The following VRK2 variants were observed in gnomAD, a reference collection of about 807,000 sequenced individuals.
VRK2 encodes VRK serine/threonine kinase 2, also known as serine/threonine-protein kinase VRK2.
A neutral mutation model predicts 57.6 loss-of-function variants in VRK2; 60 were observed. The ratio of observed to expected loss-of-function variants is 1.04; its 90% CI spans 0.85 to 1.29. The LOEUF is 1.29. Ranked by LOEUF, VRK2 falls within the 50% of genes most tolerant of loss-of-function variation. The pLI is 0.00. For missense variants in VRK2, 705 were observed against 588.1 expected (o/e 1.20, Z -2.06); for synonymous variants, 231 against 199.2 (o/e 1.16, Z -1.35).
At chr2:57,951,236 C>T (rs576993034) in intron 1 of VRK2, among the ~76,000 whole-genome samples, 1 of 152,196 alleles carries the variant, frequency 6.6e-6, no homozygotes, top group South Asian at 2.1e-4. Context: ...GAGGAAGTAA[C>T]GGCAGATGTG....
intron 10 of VRK2, among the ~76,000 whole-genome samples, chr2:58,137,107 A>ATCATATATCATATATATCATATATGAT: frequency 9.7e-6 from 1 of 103,410 alleles, no homozygotes; most frequent in African/African-American, 3.6e-5. Flanking sequence ...TCATATATAT[A>ATCATATATCATATATATCATATATGAT]ACATATATCA....
intron 1 of VRK2, among the ~76,000 whole-genome samples, chr2:57,985,055 T>C (rs1273226705): frequency 6.6e-6 from 1 of 152,008 alleles, no homozygotes; most frequent in East Asian, 1.9e-4. Context: ...TTTCTGATCA[T>C]TTGAGGCATT....
chr2:58,045,256 G>C (rs1216063075), upstream of VRK2, among the ~76,000 whole-genome samples: 1 of 152,126 alleles, frequency 6.6e-6, no homozygotes, highest in Admixed American at 6.5e-5. Flanking sequence ...TGCAGGTAAG[G>C]GTGCTAAGTG....
chr2:57,958,263 T>C (rs918921417), intron 1 of VRK2, among the ~76,000 whole-genome samples: 1 of 152,188 alleles, frequency 6.6e-6, no homozygotes, highest in African/African-American at 2.4e-5. Context: ...ACTTAAAATA[T>C]AATGAAACCT....
intron 10 of VRK2, among the ~76,000 whole-genome samples, chr2:58,137,987 T>C (rs952169682): frequency 2.0e-5 from 3 of 152,182 alleles, no homozygotes; most frequent in Non-Finnish European, 4.4e-5. Flanking sequence ...CCTACCTCAC[T>C]GGTACCTCAT....
intron 7 of VRK2, among the ~76,000 whole-genome samples, chr2:58,112,606 T>A (rs940997910): frequency 3.3e-5 from 5 of 151,094 alleles, no homozygotes; most frequent in Non-Finnish European, 7.4e-5. Flanking sequence ...AAATTTATTA[T>A]GTACATGGAC....
Position 58,046,844 on chromosome 2 carries a change from C to T in VRK2, c.-30C>T, listed in dbSNP as rs1455906868. The T allele has an allele frequency of 5.7e-5, 56 of 985,278 alleles. No homozygotes were observed. The highest frequency in any genetic ancestry group is 6.4e-5 in the Non-Finnish European group (53 of 829,906). The allele number at this position is 985,278 out of a possible 1,614,324, so 61.0% of individuals were successfully genotyped here. On this transcript the variant is annotated 5_prime_UTR_variant, in exon 1 of 13. Transcript: ENST00000340157. ...CAGGTAGGAGGCGGTGCGCGCGGCCCGGCGACGGGGGATCCTGAGGCCCGG... is the reference window on the plus strand; with the variant it reads ...CAGGTAGGAGGCGGTGCGCGCGGCCTGGCGACGGGGGATCCTGAGGCCCGG...
At chr2:58,009,066 C>T (rs1673341081) in intron 1 of VRK2, among the ~76,000 whole-genome samples, 1 of 152,118 alleles carries the variant, frequency 6.6e-6, no homozygotes, top group Non-Finnish European at 1.5e-5. Context: ...CTCTCATGGC[C>T]TAATGACCTC....
chr2:58,061,330 T>C (rs1677304542), intron 2 of VRK2, among the ~76,000 whole-genome samples: 1 of 151,874 alleles, frequency 6.6e-6, no homozygotes, highest in Admixed American at 6.6e-5. Context: ...TAATTTGTGG[T>C]AAAATGAAAT....
In VRK2 at chr2:57,959,056, G is replaced by T. The variant is rs566097000; in HGVS notation, c.-439+51217G>T. 1.6e-4 allele frequency among the ~76,000 whole-genome samples: 25 copies of T among 152,254 alleles called. 1 individual carries two copies. The highest frequency in any genetic ancestry group is 9.8e-4 in the Admixed American group (15 of 15,296). On this transcript the variant is annotated intron_variant, in intron 1 of 15. Coordinates refer to the VRK2 transcript ENST00000417641. ...TACATTCTACCTGCAAAACTAAGAGGCAGGGGTCGTTGCCATTCATCCTAT... is the reference window on the plus strand; with the variant it reads ...TACATTCTACCTGCAAAACTAAGAGTCAGGGGTCGTTGCCATTCATCCTAT...
chr2:58,086,376 A>G lies in VRK2; in HGVS notation c.294A>G (p.Leu98=). ...TAGAACGCAAACAACTTGATTATTT[A>G]GGAATTCCTCTGTTTTATGGATCTG... is the stretch of plus-strand genomic sequence containing the variant. ...KWIERKQLDY[L]GIPLFYGSGL... The change falls in exon 5 of 13, where the codon TTA becomes TTG. Residue 98 remains leucine (L), a synonymous_variant. Coordinates refer to ENST00000340157, the MANE Select transcript of VRK2 (RefSeq NM_006296.7). 6.2e-7 allele frequency: 1 copy of G among 1,605,162 alleles called. No homozygotes were observed. The highest frequency in any genetic ancestry group is 8.5e-7 in the Non-Finnish European group (1 of 1,177,400).
chr2:58,142,313 CAAAAGA>C (rs1033775948), intron 11 of VRK2, among the ~76,000 whole-genome samples: 24 of 148,140 alleles, frequency 1.6e-4, no homozygotes, highest in African/African-American at 5.8e-4. Flanking sequence ...CACCTTTTTG[CAAAAGA>C]AAAAGTTTTT....
intron 2 of VRK2, among the ~76,000 whole-genome samples, chr2:58,054,041 C>G (rs1344090599): frequency 1.3e-5 from 2 of 151,972 alleles, no homozygotes; most frequent in Non-Finnish European, 2.9e-5. Context: ...ATAAAAGTCT[C>G]TATAAGATGT....
At chr2:58,036,442 G>A (rs1674276066) in intron 3 of VRK2, among the ~76,000 whole-genome samples, 1 of 151,988 alleles carries the variant, frequency 6.6e-6, no homozygotes, top group Admixed American at 6.6e-5. Context: ...TAACACAAAT[G>A]AATTTTTCTT....
chr2:58,087,689 C>G (rs565529876), intron 5 of VRK2, among the ~76,000 whole-genome samples: 163 of 152,106 alleles, frequency 1.1e-3, no homozygotes, highest in Middle Eastern at 3.4e-3. Flanking sequence ...AAGAAACAAA[C>G]AAATATAAAA....
chr2:57,967,405 A>C (rs1342731697), intron 1 of VRK2, among the ~76,000 whole-genome samples: 1 of 151,942 alleles, frequency 6.6e-6, no homozygotes, highest in African/African-American at 2.4e-5. Flanking sequence ...AATCTCATGT[A>C]GTTTGTGTGG....
intron 8 of VRK2, among the ~76,000 whole-genome samples, chr2:58,130,667 T>C (rs779057923): frequency 4.6e-5 from 7 of 152,206 alleles, no homozygotes; most frequent in Non-Finnish European, 8.8e-5. Context: ...CTGAGTAACT[T>C]TTCAGAGTTT....
chr2:58,002,526 A>G (rs1035477784), intron 1 of VRK2, among the ~76,000 whole-genome samples: 1 of 152,152 alleles, frequency 6.6e-6, no homozygotes, highest in African/African-American at 2.4e-5. Context: ...TGGAGACCAC[A>G]CTTATTTTGA....
At chr2:58,003,235 A>G (rs1484392054) in intron 1 of VRK2, among the ~76,000 whole-genome samples, 2 of 152,188 alleles carry the variant, frequency 1.3e-5, no homozygotes, top group Non-Finnish European at 2.9e-5. Context: ...CTTGCTTAAA[A>G]AAGAAAATCC....
Sources: gnomAD v4.1 joint callset for allele counts (sites outside exome capture counted in the v4.1 genomes callset) on GRCh38, gnomAD v4.1.1 for gene constraint, MANE v1.5 for transcripts, NCBI Gene and HGNC (gene_info 2026-07-23, HGNC 2026-07-21) for gene names.